RASIP1: variants seen among roughly 807,000 people sequenced by gnomAD.
RASIP1 encodes Ras interacting protein 1.
RASIP1 carries 20 observed loss-of-function variants against 85.3 expected under a neutral mutation model. That is an observed-to-expected ratio of 0.23 (90% CI 0.17 to 0.34). The LOEUF (loss-of-function observed/expected upper bound fraction) is 0.34, where lower values mean the gene tolerates loss of function less well. RASIP1 is among the 10% of genes least tolerant of loss of function. The pLI, the probability that RASIP1 is intolerant of heterozygous loss-of-function variation, is 1.00. For missense variants in RASIP1, 1,170 were observed against 1,390.9 expected (o/e 0.84, Z 2.53); for synonymous variants, 617 against 647.1 (o/e 0.95, Z 0.71).
At chr19:48,728,242 G>A (rs1424133275) in intron 5 of RASIP1, among the ~76,000 whole-genome samples, 2 of 152,158 alleles carry the variant, frequency 1.3e-5, no homozygotes, top group African/African-American at 4.8e-5. Flanking sequence ...CTCCAAGAAT[G>A]AACTCGCTCA....
In RASIP1 at chr19:48,728,986, A is replaced by T. The variant is rs1218821404; in HGVS notation, c.1784T>A (p.Leu595Gln). Residue 595 changes from leucine (L) to glutamine (Q), a missense_variant, in exon 5 of 12, where the codon CTG (leucine) becomes CAG (glutamine). Coordinates refer to ENST00000222145, the MANE Select transcript of RASIP1 (RefSeq NM_017805.3). The part of the protein sequence containing the change: ...HSARELELGH[L>Q]PRLLGRLARL... Reference sequence around the variant, plus strand: ...GGCCAGGCGGCCCAGCAGTCGTGGCAGGTGGCCCAGCTCCAGCTCACGGGC... The same window carrying T: ...GGCCAGGCGGCCCAGCAGTCGTGGCTGGTGGCCCAGCTCCAGCTCACGGGC... 2.1e-6 allele frequency: 3 copies of T among 1,455,154 alleles called. No individual in the cohort carries two copies. The African/African-American group carries it at 4.5e-5, about 22-fold the overall frequency. The allele number at this position is 1,455,154 out of a possible 1,614,324, so 90.1% of individuals were successfully genotyped here.
chr19:48,720,848 C>G lies in RASIP1; in HGVS notation c.2842G>C (p.Glu948Gln). 1 of 1,614,012 alleles carries G rather than the reference C, an allele frequency of 6.2e-7. No individual in the cohort carries two copies. Among genetic ancestry groups the G allele is most frequent in the Non-Finnish European group, 8.5e-7 (1 of 1,180,018 alleles). Residue 948 changes from glutamate to glutamine, a missense_variant, in exon 12 of 12, where the codon GAG (glutamate) becomes CAG (glutamine). Glu to Gln is a conservative substitution (Grantham distance 29). Around this residue, in one of 4 missense-constraint regions of RASIP1, gnomAD observed 144 missense variants for 125.5 expected, o/e 1.15. Transcript: ENST00000222145. ...CCATGGCGATAATTGGCTGGCAGCT[C>G]CTGCTGCTCAAGATCCCAGAGGAGG... ...RRLLWDLEQQELPANYRHGPP... is the reference protein window; with the variant it reads ...RRLLWDLEQQQLPANYRHGPP...
chr19:48,737,832 A>C (rs927604476), intron 3 of RASIP1: 4 of 979,796 alleles, frequency 4.1e-6, no homozygotes, highest in South Asian at 4.7e-5. Flanking sequence ...GCCCCACAAC[A>C]TGCCCCGCCC....
At position 48,740,116 on chromosome 19, in the gene RASIP1, G is replaced by A. The variant is rs1463328139; in HGVS notation, c.137+30C>T. On this transcript the variant is annotated intron_variant, in intron 2 of 11. Coordinates refer to ENST00000222145, the MANE Select transcript of RASIP1 (RefSeq NM_017805.3). The surrounding 1 kb of genome is among the most constrained non-coding windows in gnomAD (Gnocchi z 5.5). ...GGACAGATGGGAAGCAGGTGTGCAG[G>A]GGCAGGAGTCCTGCAGAGATGGCAC... The A allele has an allele frequency of 2.6e-6, 4 of 1,550,056 alleles. No homozygotes were observed. Among genetic ancestry groups the A allele is most frequent in the Middle Eastern group, 3.7e-4 (2 of 5,432 alleles).
At chr19:48,722,301 T>A (rs967847424) in intron 10 of RASIP1, among the ~76,000 whole-genome samples, 40 of 66,154 alleles carry the variant, frequency 6.0e-4, no homozygotes, top group Non-Finnish European at 1.0e-3. Flanking sequence ...TACTTGGGGA[T>A]TTTTTTTTTT....
At chr19:48,723,526 C>G (rs1403047008) in intron 10 of RASIP1, among the ~76,000 whole-genome samples, 1 of 140,254 alleles carries the variant, frequency 7.1e-6, no homozygotes, top group Non-Finnish European at 1.5e-5. Context: ...TGCCATTGCA[C>G]TCCAGCCTGG....
Position 48,739,095 on chromosome 19 carries a change from C to T in RASIP1, c.688G>A (p.Gly230Ser). Reference sequence around the variant, plus strand: ...ACCAGCAGCGGGCGCTCGGAGTCGCCCAGCACGCGCAGGTGCTCCGCCCGC... The same window carrying T: ...ACCAGCAGCGGGCGCTCGGAGTCGCTCAGCACGCGCAGGTGCTCCGCCCGC... ...EWRAEHLRVL[G>S]DSERPLLVQE... The change falls in exon 3 of 12, where the codon GGC becomes AGC. Residue 230 changes from glycine to serine, a missense_variant. Coordinates refer to ENST00000222145, the MANE Select transcript of RASIP1 (RefSeq NM_017805.3). This position sits in a 1 kb window ranked among gnomAD's most constrained non-coding sequence, Gnocchi z 9.2. 1.5e-6 allele frequency: 2 copies of T among 1,314,074 alleles called. No individual in the cohort carries two copies. The highest frequency in any genetic ancestry group is 4.2e-5 in the South Asian group (2 of 47,116). 81.4% of individuals were successfully genotyped at this position (1,314,074 alleles called of 1,614,324 possible). A position where few individuals can be genotyped will look rare whatever the true frequency, so the allele number is the denominator to read the frequency against.
At position 48,738,813 on chromosome 19, in the gene RASIP1, C is replaced by G; in HGVS notation, c.823+147G>C. 3.9e-6 allele frequency: 4 copies of G among 1,013,320 alleles called. No individual in the cohort carries two copies. The highest frequency in any genetic ancestry group is 5.0e-6 in the Non-Finnish European group (4 of 804,116). The allele number at this position is 1,013,320 out of a possible 1,614,324, so 62.8% of individuals were successfully genotyped here. On this transcript the variant is annotated intron_variant, in intron 3 of 11. Transcript: ENST00000222145. This position sits in a 1 kb window ranked among gnomAD's most constrained non-coding sequence, Gnocchi z 4.0. ...CTCTAGCTCTGCCTAGAGTCCAACA[C>G]GCACCGTCCAGTCCCCTCCCAGTCC...
rs780021868 is a variant in RASIP1, at chr19:48,721,884, G to A, written c.2662C>T (p.Pro888Ser). 8 of 1,607,574 alleles carry A rather than the reference G, an allele frequency of 5.0e-6. No individual in the cohort carries two copies. The highest frequency in any genetic ancestry group is 3.4e-5 in the Admixed American group (2 of 59,262). Residue 888 changes from proline to serine, a missense_variant, in exon 11 of 12, where the codon CCC (proline) becomes TCC (serine). Transcript: ENST00000222145. ...TCCACAGCCTCCCGCTCTGCAGGGG[G>A]AGGGTCCCACGCGGCTGGCGGCCCG... ...GRGPPAAWDP[P>S]PAEREAVDTG...
chr19:48,732,259 C>CT (rs869199913), intron 4 of RASIP1, among the ~76,000 whole-genome samples: 1,732 of 136,704 alleles, frequency 0.013, 39 homozygotes, highest in African/African-American at 0.042. Context: ...TTCTGTTTTT[C>CT]TTTTTTTTTT....
chr19:48,720,915 C>G lies in RASIP1; in HGVS notation c.2775G>C (p.Val925=). The change falls in exon 12 of 12, where the codon GTG becomes GTC. Residue 925 remains valine (V), a synonymous_variant. Coordinates refer to ENST00000222145, the MANE Select transcript of RASIP1 (RefSeq NM_017805.3). ...GTTCACGGTGCAAGGCATCGTCCGTCACTGGACCAGTGAGGCGCAGGCGCG... is the reference window on the plus strand; with the variant it reads ...GTTCACGGTGCAAGGCATCGTCCGTGACTGGACCAGTGAGGCGCAGGCGCG... The part of the protein sequence containing the change: ...GSSRLRLTGP[V]TDDALHRELR... The G allele has an allele frequency of 6.2e-7, 1 of 1,613,862 alleles. No homozygotes were observed. Among genetic ancestry groups the G allele is most frequent in the African/African-American group, 1.3e-5 (1 of 75,060 alleles).
Position 48,720,748 on chromosome 19 carries a change from G to T in RASIP1, c.*50C>A, listed in dbSNP as rs146298476. On this transcript the variant is annotated 3_prime_UTR_variant, in exon 12 of 12. Transcript: ENST00000222145. ...TTTGCGCTCAGGCGGGCTCCTGTCC[G>T]TAGAAGCCCGTGACATTTCAAGGTT... 1.3e-6 allele frequency: 2 copies of T among 1,576,172 alleles called. No individual in the cohort carries two copies. Among genetic ancestry groups the T allele is most frequent in the Non-Finnish European group, 1.7e-6 (2 of 1,146,466 alleles).
At chr19:48,735,035 C>G (rs1478415073) in intron 4 of RASIP1, among the ~76,000 whole-genome samples, 161 bp downstream of exon 4, 1 of 152,194 alleles carries the variant, frequency 6.6e-6, no homozygotes, top group Non-Finnish European at 1.5e-5. Context: ...TCTACTCTCC[C>G]TCTCCTGTGA....
chr19:48,724,284 G>A lies in RASIP1; in HGVS notation c.2544+53C>T, dbSNP rs748174506. Reference sequence around the variant, plus strand: ...TGAGCTGAATATAGAAGGTGGCTGAGGGGGGTTGAGGAGTCAGAGGTCAGG... The same window carrying A: ...TGAGCTGAATATAGAAGGTGGCTGAAGGGGGTTGAGGAGTCAGAGGTCAGG... On this transcript the variant is annotated intron_variant, in intron 10 of 11. Coordinates refer to ENST00000222145, the MANE Select transcript of RASIP1 (RefSeq NM_017805.3). This position sits in a 1 kb window ranked among gnomAD's most constrained non-coding sequence, Gnocchi z 4.6. The A allele has an allele frequency of 6.4e-7, 1 of 1,560,942 alleles. No homozygotes were observed. The highest frequency in any genetic ancestry group is 1.8e-5 in the Admixed American group (1 of 56,654).
chr19:48,730,240 A>C (rs1229232465), intron 4 of RASIP1, among the ~76,000 whole-genome samples: 4 of 150,808 alleles, frequency 2.7e-5, no homozygotes, highest in African/African-American at 9.8e-5. Context: ...ATCTCGGCTC[A>C]CTCCAACCTC....
chr19:48,736,100 C>T (rs568485822), intron 3 of RASIP1, among the ~76,000 whole-genome samples: 3 of 151,762 alleles, frequency 2.0e-5, no homozygotes, highest in African/African-American at 4.8e-5. Context: ...TGAGCCACAG[C>T]GCCCAGCCCA....
chr19:48,737,794 C>T, intron 3 of RASIP1: 2 of 984,710 alleles, frequency 2.0e-6, no homozygotes, highest in Non-Finnish European at 2.4e-6. Flanking sequence ...CCACGCTTTT[C>T]CACAAGCCCC....
chr19:48,731,259 CT>C (rs1372758386), intron 4 of RASIP1, among the ~76,000 whole-genome samples: 3 of 152,074 alleles, frequency 2.0e-5, no homozygotes, highest in South Asian at 2.1e-4. Flanking sequence ...TCCCACCCCC[CT>C]AACAGAGGAT....
At position 48,727,118 on chromosome 19, in the gene RASIP1, C is replaced by T; in HGVS notation, c.1912G>A (p.Ala638Thr). ...AGTGGCCGCAGCTCCACAGACACAG[C>T]TTCAGGAGTCAGGGGCACCTCGGGG... ...GVPEVPLTPE[A>T]VSVELRPLML... The change falls in exon 7 of 12, where the codon GCT (alanine) becomes ACT (threonine). Residue 638 changes from alanine (A) to threonine (T), a missense_variant. Transcript: ENST00000222145. 6.2e-7 allele frequency: 1 copy of T among 1,614,180 alleles called. No individual in the cohort carries two copies. The highest frequency in any genetic ancestry group is 8.5e-7 in the Non-Finnish European group (1 of 1,180,046).
Sources: allele counts gnomAD v4.1 joint callset (sites outside exome capture counted in the v4.1 genomes callset), GRCh38; gene constraint gnomAD v4.1.1; regional missense constraint gnomAD v4.1.1; non-coding constraint Gnocchi (gnomAD v3.1); transcripts MANE v1.5; gene names NCBI Gene and HGNC (gene_info 2026-07-23, HGNC 2026-07-21).